ZNF410: variants seen among roughly 807,000 people sequenced by gnomAD.
The protein encoded by ZNF410 is another partner for ARF 1.
In ZNF410, 18 loss-of-function variants were observed where a neutral mutation model predicts 54.8. The observed-to-expected ratio is 0.33, with a 90% CI of 0.23 to 0.49. The LOEUF (loss-of-function observed/expected upper bound fraction) is 0.49, where lower values mean the gene tolerates loss of function less well. Ranked by LOEUF, ZNF410 falls within the 20% of genes least tolerant of loss-of-function variation. The pLI, the probability that ZNF410 is intolerant of heterozygous loss-of-function variation, is 0.99. For synonymous variants in ZNF410, 191 were observed against 207.3 expected, an observed-to-expected ratio of 0.92 and a Z score of 0.68; for missense variants, 405 against 569.6, an observed-to-expected ratio of 0.71 and a Z score of 2.94.
At chr14:73,920,689 A>AT (rs951783254) in intron 8 of ZNF410, 30 of 278,876 alleles carry the variant, frequency 1.1e-4, no homozygotes, top group South Asian at 9.4e-4. Context: ...AAGAAGGCAT[A>AT]TTTTTTGTGG....
intron 9 of ZNF410, among the ~76,000 whole-genome samples, chr14:73,921,668 G>T (rs948954864): frequency 5.3e-5 from 8 of 151,930 alleles, no homozygotes; most frequent in African/African-American, 1.7e-4. Flanking sequence ...GTAGAGACGG[G>T]GTTTCACCAT....
intron 5 of ZNF410, among the ~76,000 whole-genome samples, chr14:73,903,075 T>C (rs1182084477): frequency 6.6e-6 from 1 of 152,222 alleles, no homozygotes; most frequent in Non-Finnish European, 1.5e-5. Context: ...AAAATGGCTG[T>C]CAGAGCCCAC....
At position 73,893,779 on chromosome 14, in the gene ZNF410, TGTC is replaced by T. The variant is rs769153807; in HGVS notation, c.34-17_34-15del. The T allele has an allele frequency of 6.3e-7, 1 of 1,590,660 alleles. No individual in the cohort carries two copies. ...TCTAACAACTCGTATTTCTCAGTGT[TGTC>T]TTTTCTCCCCCCAGCTCCTGGTACA... On this transcript the variant is annotated splice_polypyrimidine_tract_variant and intron_variant, in intron 2 of 11. Coordinates refer to ENST00000555044, the MANE Select transcript of ZNF410 (RefSeq NM_021188.3).
At chr14:73,926,726 C>T (rs570051426) in intron 11 of ZNF410, among the ~76,000 whole-genome samples, 11 of 117,130 alleles carry the variant, frequency 9.4e-5, no homozygotes, top group African/African-American at 2.2e-4. Flanking sequence ...TGAGCCACTG[C>T]GCCCGGCCAG....
chr14:73,925,827 T>C (rs1483052690), intron 11 of ZNF410, among the ~76,000 whole-genome samples: 1 of 151,052 alleles, frequency 6.6e-6, no homozygotes, highest in East Asian at 1.9e-4. Context: ...AATCCAGGAG[T>C]TCAAGACCAG....
intron 8 of ZNF410, chr14:73,920,188 AATG>A (rs1350222570): frequency 6.6e-6 from 1 of 152,110 alleles, no homozygotes; most frequent in Non-Finnish European, 1.5e-5. Context: ...TACAATCAGC[AATG>A]ATGATTGCTG....
chr14:73,912,905 G>GTCC (rs2055607474), intron 8 of ZNF410, among the ~76,000 whole-genome samples: 3 of 151,436 alleles, frequency 2.0e-5, no homozygotes, highest in African/African-American at 7.3e-5. Flanking sequence ...TAGTTCAGGG[G>GTCC]TACATGTGTA....
intron 7 of ZNF410, 154 bp downstream of exon 7, chr14:73,905,237 C>G (rs1402962217): frequency 1.4e-6 from 1 of 729,040 alleles, no homozygotes; most frequent in Non-Finnish European, 2.1e-6. Context: ...TGACTTGTTG[C>G]ACTTATAATA....
rs908465918 is a variant in ZNF410, at chr14:73,932,513, A to G, written c.*972A>G. ...TGGCAATAAAAACAGATACTTCTGA[A>G]TTTTTCCACAAAGATAGTTTTTTTA... is the stretch of plus-strand genomic sequence containing the variant. On this transcript the variant is annotated 3_prime_UTR_variant, in exon 12 of 12. Transcript: ENST00000555044. 1 of 445,130 alleles carries G rather than the reference A, an allele frequency of 2.2e-6. No individual in the cohort carries two copies. Among genetic ancestry groups the G allele is most frequent in the Non-Finnish European group, 4.5e-6 (1 of 224,014 alleles). 27.6% of individuals were successfully genotyped at this position (445,130 alleles called of 1,614,324 possible).
intron 3 of ZNF410, 177 bp from the exon 4 acceptor site, chr14:73,896,139 G>A: frequency 5.1e-6 from 3 of 586,216 alleles, no homozygotes; most frequent in South Asian, 4.4e-5. Flanking sequence ...GACTGCCTTT[G>A]GAACATAAAG....
intron 8 of ZNF410, 173 bp downstream of exon 8, chr14:73,909,603 A>C: frequency 9.0e-6 from 4 of 444,716 alleles, no homozygotes; most frequent in Non-Finnish European, 1.6e-5. Flanking sequence ...CTTATAATCA[A>C]GGTTGGGGGG....
chr14:73,893,082 A>C (rs2055256955), intron 2 of ZNF410, among the ~76,000 whole-genome samples: 2 of 151,566 alleles, frequency 1.3e-5, no homozygotes, highest in African/African-American at 2.4e-5. Flanking sequence ...ACTCTGTCTC[A>C]AAAAAAAATA....
intron 11 of ZNF410, 33 bp downstream of exon 11, chr14:73,923,555 C>A: frequency 6.3e-7 from 1 of 1,596,988 alleles, no homozygotes; most frequent in Non-Finnish European, 8.5e-7. Flanking sequence ...GTTTCTGTGA[C>A]AATTCATGTG....
At chr14:73,899,209 C>G (rs972032567) in intron 5 of ZNF410, among the ~76,000 whole-genome samples, 2 of 151,452 alleles carry the variant, frequency 1.3e-5, no homozygotes, top group African/African-American at 4.9e-5. Flanking sequence ...GTTAAAATTT[C>G]TCATAGAGAA....
intron 5 of ZNF410, among the ~76,000 whole-genome samples, chr14:73,902,759 A>G (rs1249636829): frequency 2.0e-5 from 3 of 152,186 alleles, no homozygotes; most frequent in African/African-American, 4.8e-5. Context: ...AAGAAAGTGA[A>G]AGAAAAGGAC....
In ZNF410 at chr14:73,932,076, A is replaced by C. The variant is rs1321393480; in HGVS notation, c.*535A>C. On this transcript the variant is annotated 3_prime_UTR_variant, in exon 12 of 12. Coordinates refer to ENST00000555044, the MANE Select transcript of ZNF410 (RefSeq NM_021188.3). ...ACTCTCTGCCACTGGGCTGCAAAAA[A>C]ATAAATTACTTGAATCTCCCCTTGG... 1 of 454,882 alleles carries C rather than the reference A, an allele frequency of 2.2e-6. No individual in the cohort carries two copies. Among genetic ancestry groups the C allele is most frequent in the Non-Finnish European group, 4.4e-6 (1 of 225,650 alleles). 28.2% of individuals were successfully genotyped at this position (454,882 alleles called of 1,614,324 possible).
At chr14:73,894,766 A>C (rs1056880100) in intron 3 of ZNF410, among the ~76,000 whole-genome samples, 2 of 152,180 alleles carry the variant, frequency 1.3e-5, no homozygotes, top group African/African-American at 4.8e-5. Context: ...TGGTACGAGA[A>C]GGAAAAAGAG....
chr14:73,905,121 C>T, intron 7 of ZNF410, 38 bp downstream of exon 7: 2 of 1,587,622 alleles, frequency 1.3e-6, no homozygotes, highest in East Asian at 2.2e-5. Context: ...GCAGTCTGCT[C>T]CTTGGCTCTG....
At chr14:73,903,162 T>G (rs1057174520) in intron 5 of ZNF410, among the ~76,000 whole-genome samples, 76 of 152,306 alleles carry the variant, frequency 5.0e-4, no homozygotes, top group Non-Finnish European at 4.9e-4. Context: ...AGGGTCTTAC[T>G]CTGTTGCCCA....
Sources: gnomAD v4.1 joint callset for allele counts (sites outside exome capture counted in the v4.1 genomes callset) on GRCh38, gnomAD v4.1.1 for gene constraint, MANE v1.5 for transcripts, NCBI Gene and HGNC (gene_info 2026-07-23, HGNC 2026-07-21) for gene names.